The following UBR1 variants were observed in gnomAD, a reference collection of about 807,000 sequenced individuals.
The protein encoded by UBR1 is ubiquitin protein ligase E3 component n-recognin 1.
Under a neutral mutation model 242.1 loss-of-function variants are expected in UBR1, and 102 were observed. The observed-to-expected ratio is 0.42, with a 90% CI of 0.36 to 0.50. The LOEUF is 0.50. Among genes scored for constraint, UBR1 ranks in the 20% least tolerant of loss-of-function variants. UBR1 has a pLI of 0.01. For missense variants in UBR1, 1,772 were observed against 2,101.8 expected, an observed-to-expected ratio of 0.84 and a Z score of 3.07; for synonymous variants, 675 against 684.8, an observed-to-expected ratio of 0.99 and a Z score of 0.22.
rs151081408 is a variant in UBR1 at position 43,059,997 on chromosome 15, T to C, written c.861+55A>G. On this transcript the variant is annotated intron_variant, in intron 7 of 46. Coordinates refer to ENST00000290650, the MANE Select transcript of UBR1 (RefSeq NM_174916.3). ...CACTCAAATTATTCTACTTGGGCTC[T>C]TGTAATGTACATTCATCTTTAACTT... 5.8e-4 allele frequency: 929 copies of C among 1,596,542 alleles called. No homozygotes were observed. The African/African-American group carries it at 0.011, about 18-fold the overall frequency.
intron 42 of UBR1, among the ~76,000 whole-genome samples, chr15:42,961,679 C>T (rs2032022609): frequency 6.6e-6 from 1 of 151,306 alleles, no homozygotes; most frequent in African/African-American, 2.4e-5. Flanking sequence ...GTGATTTGCC[C>T]ACCTCGGCCT....
intron 39 of UBR1, among the ~76,000 whole-genome samples, chr15:42,974,725 C>T (rs1192887539): frequency 6.6e-6 from 1 of 152,184 alleles, no homozygotes; most frequent in Non-Finnish European, 1.5e-5. Context: ...CCTTACACAT[C>T]AGCCTCCCAA....
chr15:42,981,806 A>G (rs140178044), intron 37 of UBR1, among the ~76,000 whole-genome samples: 2 of 152,258 alleles, frequency 1.3e-5, no homozygotes, highest in African/African-American at 4.8e-5. Context: ...TGGCTATTTT[A>G]TGTTTGTTTT....
intron 3 of UBR1, among the ~76,000 whole-genome samples, chr15:43,081,125 A>G (rs781027786): frequency 6.6e-6 from 1 of 152,196 alleles, no homozygotes; most frequent in Non-Finnish European, 1.5e-5. Context: ...TCCACCAGTT[A>G]TAAGACTTCC....
intron 1 of UBR1, among the ~76,000 whole-genome samples, chr15:43,086,451 A>G (rs2034037542): frequency 2.0e-5 from 3 of 151,806 alleles, no homozygotes; most frequent in Non-Finnish European, 4.4e-5. Flanking sequence ...AAAAAAAAAA[A>G]AAAAAGAAGA....
chr15:43,076,179 G>GCTGTGTT (rs2033889621), intron 3 of UBR1, among the ~76,000 whole-genome samples: 1 of 143,098 alleles, frequency 7.0e-6, no homozygotes, highest in South Asian at 2.3e-4. Flanking sequence ...ACGGGGTTTT[G>GCTGTGTT]CTGTGTTGGC....
intron 10 of UBR1, among the ~76,000 whole-genome samples, chr15:43,057,803 T>C (rs2033636391): frequency 6.6e-6 from 1 of 152,200 alleles, no homozygotes; most frequent in African/African-American, 2.4e-5. Flanking sequence ...TAACCTCCCT[T>C]TGCTCTGGGT....
intron 26 of UBR1, 87 bp downstream of exon 26, chr15:43,022,615 T>G: frequency 3.1e-6 from 3 of 959,088 alleles, no homozygotes; most frequent in Non-Finnish European, 4.9e-6. Context: ...CTCTGTAAGA[T>G]ATAAACTTTC....
chr15:42,975,394 C>T, intron 39 of UBR1, among the ~76,000 whole-genome samples: 1 of 152,004 alleles, frequency 6.6e-6, no homozygotes, highest in East Asian at 1.9e-4. Flanking sequence ...TATGGTACAT[C>T]ATAGGTTATT....
At chr15:43,034,888 C>CA (rs201319494) in intron 19 of UBR1, among the ~76,000 whole-genome samples, 1,528 of 91,514 alleles carry the variant, frequency 0.017, 26 homozygotes, top group African/African-American at 0.041. Flanking sequence ...ACGCCATCTC[C>CA]AAAAAAAAAA....
intron 30 of UBR1, among the ~76,000 whole-genome samples, chr15:43,005,242 TG>T (rs539853404): frequency 2.0e-5 from 3 of 148,674 alleles, no homozygotes; most frequent in South Asian, 2.1e-4. Flanking sequence ...GTCCAGGAGG[TG>T]GGGGGGCAGC....
In UBR1 at chr15:42,960,651, A is replaced by C. The variant is rs750644112; in HGVS notation, c.4751T>G (p.Val1584Gly). The change falls in exon 43 of 47, where the codon GTG (valine) becomes GGG (glycine). Residue 1584 changes from valine to glycine, a missense_variant. Val to Gly is a moderately radical substitution (Grantham distance 109, BLOSUM62 -3). Coordinates refer to ENST00000290650, the MANE Select transcript of UBR1 (RefSeq NM_174916.3). Reference sequence around the variant, plus strand: ...ATTAAGTAGTAAAACCAACCTGACCACGGTGTTTTTTTGCTTCAAACAGTT... The same window carrying C: ...ATTAAGTAGTAAAACCAACCTGACCCCGGTGTTTTTTTGCTTCAAACAGTT... The part of the protein sequence containing the change: ...LLNCLKQKNT[V>G]VRYPRKRNSL... The C allele has an allele frequency of 6.8e-6, 11 of 1,614,020 alleles. No individual in the cohort carries two copies. In the South Asian group the frequency reaches 1.1e-4, roughly 16 times the overall value.
At position 43,024,889 on chromosome 15, in the gene UBR1, G is replaced by A. The variant is rs1158461089; in HGVS notation, c.2679C>T (p.Thr893=). 3 of 1,613,994 alleles carry A rather than the reference G, an allele frequency of 1.9e-6. No homozygotes were observed. The highest frequency in any genetic ancestry group is 2.5e-6 in the Non-Finnish European group (3 of 1,180,004). The change falls in exon 25 of 47, where the codon ACC becomes ACT. Residue 893 remains threonine, a synonymous_variant. Coordinates refer to ENST00000290650, the MANE Select transcript of UBR1 (RefSeq NM_174916.3). The part of the protein sequence containing the change: ...NCDIMMYILR[T]VFERAIDTDS... ...CTGTGTCTATTGCCCGCTCAAATACGGTCCTGAGAATGTACATCATGATAT... is the reference window on the plus strand; with the variant it reads ...CTGTGTCTATTGCCCGCTCAAATACAGTCCTGAGAATGTACATCATGATAT...
intron 12 of UBR1, among the ~76,000 whole-genome samples, chr15:43,053,792 C>T (rs1446384265): frequency 6.6e-6 from 1 of 150,664 alleles, no homozygotes; most frequent in East Asian, 1.9e-4. Context: ...AACAAGGTCT[C>T]GCTATGTTGT....
At chr15:42,977,703 G>C (rs1201960407) in intron 38 of UBR1, among the ~76,000 whole-genome samples, 177 bp downstream of exon 38, 1 of 140,156 alleles carries the variant, frequency 7.1e-6, no homozygotes, top group Admixed American at 7.1e-5. Context: ...TTTTTTTAAT[G>C]ATTTTGACAG....
rs1409911939 is a variant in UBR1, at chr15:43,043,264, T to C, written c.1800A>G (p.Val600=). 6.2e-7 allele frequency: 1 copy of C among 1,614,160 alleles called. No individual in the cohort carries two copies. Among genetic ancestry groups the C allele is most frequent in the Admixed American group, 1.7e-5 (1 of 60,012 alleles). The stretch of plus-strand genomic sequence containing the variant: ...GATGTATGCTTACAAGATCCTCAGA[T>C]ACTCTGTAGGACTTTGTTTCCAAAC... ...GHSLETKSYR[V]SEDLVSIHLP... The change falls in exon 15 of 47, where the codon GTA becomes GTG. Residue 600 remains valine, a synonymous_variant. Transcript: ENST00000290650.
chr15:43,063,587 T>C (rs530211678), intron 6 of UBR1, among the ~76,000 whole-genome samples: 14 of 152,338 alleles, frequency 9.2e-5, no homozygotes, highest in African/African-American at 3.1e-4. Context: ...GTGAATCACC[T>C]GAGCCCAGGA....
intron 6 of UBR1, among the ~76,000 whole-genome samples, chr15:43,065,728 G>A (rs1200884239): frequency 6.6e-6 from 1 of 152,160 alleles, no homozygotes; most frequent in Non-Finnish European, 1.5e-5. Flanking sequence ...GATCAATGAT[G>A]TTGAGCTTTT....
chr15:43,089,462 T>C (rs2034081893), intron 1 of UBR1, among the ~76,000 whole-genome samples: 1 of 152,114 alleles, frequency 6.6e-6, no homozygotes, highest in Non-Finnish European at 1.5e-5. Context: ...GCCACTGCAT[T>C]CCAGCCTGGG....
Sources: gnomAD v4.1 joint callset for allele counts (sites outside exome capture counted in the v4.1 genomes callset) on GRCh38, gnomAD v4.1.1 for gene constraint, MANE v1.5 for transcripts, NCBI Gene and HGNC (gene_info 2026-07-23, HGNC 2026-07-21) for gene names.